Variants in PTPRD observed in about 807,000 individuals in gnomAD.
The protein encoded by PTPRD is receptor-type tyrosine-protein phosphatase delta.
A neutral mutation model predicts 214.5 loss-of-function variants in PTPRD; 34 were observed. That is an observed-to-expected ratio of 0.16 (90% CI 0.12 to 0.21). The LOEUF (loss-of-function observed/expected upper bound fraction) is 0.21, where lower values mean the gene tolerates loss of function less well. PTPRD is among the 10% of genes least tolerant of loss of function. PTPRD has a pLI of 1.00. For synonymous variants in PTPRD, 1,128 were observed against 845.7 expected, an observed-to-expected ratio of 1.33 and a Z score of -5.79; for missense variants, 2,545 against 2,398.7, an observed-to-expected ratio of 1.06 and a Z score of -1.27.
At chr9:9,947,365 AT>A (rs2092757178) in intron 4 of PTPRD, among the ~76,000 whole-genome samples, 3 of 40,736 alleles carry the variant, frequency 7.4e-5, no homozygotes, top group Admixed American at 5.4e-4. Flanking sequence ...TATATATATT[AT>A]ATATATATTA....
chr9:10,049,662 G>T (rs1009603491), intron 3 of PTPRD, among the ~76,000 whole-genome samples: 2 of 152,174 alleles, frequency 1.3e-5, no homozygotes, highest in African/African-American at 2.4e-5. Context: ...ATGCTCTGCA[G>T]TTTATAAGAA....
intron 11 of PTPRD, among the ~76,000 whole-genome samples, chr9:8,913,777 A>C (rs982011851): frequency 1.3e-5 from 2 of 152,242 alleles, no homozygotes; most frequent in East Asian, 1.9e-4. Flanking sequence ...ACGTATACTT[A>C]TTGGTGGACA....
intron 2 of PTPRD, among the ~76,000 whole-genome samples, chr9:10,465,319 C>T (rs1036224604): frequency 1.3e-5 from 2 of 152,134 alleles, no homozygotes; most frequent in Non-Finnish European, 2.9e-5. Flanking sequence ...TTTTAGATAA[C>T]TCCCCTGCGC....
At chr9:9,985,836 T>C (rs1009082401) in intron 4 of PTPRD, among the ~76,000 whole-genome samples, 4 of 151,998 alleles carry the variant, frequency 2.6e-5, no homozygotes, top group Non-Finnish European at 4.4e-5. Flanking sequence ...AGAACACTAT[T>C]GTACAATTCA....
At chr9:9,251,143 A>C (rs2099975322) in intron 9 of PTPRD, among the ~76,000 whole-genome samples, 1 of 152,082 alleles carries the variant, frequency 6.6e-6, no homozygotes, top group Non-Finnish European at 1.5e-5. Flanking sequence ...GGGGGCTATC[A>C]GAGATACATA....
intron 2 of PTPRD, among the ~76,000 whole-genome samples, chr9:10,531,897 A>T (rs1011405549): frequency 2.0e-5 from 3 of 152,212 alleles, no homozygotes; most frequent in African/African-American, 7.2e-5. Context: ...GACAATGGTA[A>T]CTTTCCCATG....
intron 8 of PTPRD, among the ~76,000 whole-genome samples, chr9:9,525,061 G>C (rs528505394): frequency 3.9e-4 from 60 of 152,170 alleles, no homozygotes; most frequent in Non-Finnish European, 6.0e-4. Context: ...GTTTCACCAT[G>C]TTAGCCAGGA....
At position 9,775,654 on chromosome 9, in the gene PTPRD, G is replaced by T. The variant is rs189173634; in HGVS notation, c.-367-8803C>A. 1.2e-3 allele frequency among the ~76,000 whole-genome samples: 181 copies of T among 152,060 alleles called. 1 individual carries two copies. Among genetic ancestry groups the T allele is most frequent in the Middle Eastern group, 3.4e-3 (1 of 294 alleles). On this transcript the variant is annotated intron_variant, in intron 5 of 45. Transcript: ENST00000381196. ...TATTATAGGGAGATTACTAAAAAGC[G>T]AATTCTTGGCTGGTTGCGGTGGCTC... is the stretch of plus-strand genomic sequence containing the variant.
intron 3 of PTPRD, among the ~76,000 whole-genome samples, chr9:10,257,493 C>T (rs1452616102): frequency 6.6e-6 from 1 of 152,106 alleles, no homozygotes; most frequent in Non-Finnish European, 1.5e-5. Flanking sequence ...GCATCATATC[C>T]AATTGATTAG....
At chr9:8,740,734 A>G (rs2091707688) in intron 11 of PTPRD, among the ~76,000 whole-genome samples, 1 of 150,920 alleles carries the variant, frequency 6.6e-6, no homozygotes, top group Admixed American at 6.5e-5. Context: ...ACATGTTTTT[A>G]TGACAATCAG....
intron 9 of PTPRD, among the ~76,000 whole-genome samples, chr9:9,220,735 G>A (rs937250015): frequency 1.3e-5 from 2 of 152,158 alleles, no homozygotes; most frequent in East Asian, 3.9e-4. Context: ...TTGACTATAT[G>A]TAGGAATGTG....
Position 8,360,601 on chromosome 9 carries a change from T to C in PTPRD, c.4661+15335A>G, listed in dbSNP as rs1374502799. Among the ~76,000 whole-genome samples the C allele has an allele frequency of 5.3e-5, 8 of 152,222 alleles. No homozygotes were observed. In the South Asian group the frequency reaches 1.4e-3, roughly 28 times the overall value. On this transcript the variant is annotated intron_variant, in intron 39 of 45. Transcript: ENST00000381196. ...TTTTTGAAGGAGATACCATACTCTA[T>C]AACCCACAGTTTTGCACAGTGAAGT... is the stretch of plus-strand genomic sequence containing the variant.
intron 12 of PTPRD, among the ~76,000 whole-genome samples, chr9:8,674,790 T>C (rs1237560827): frequency 6.6e-6 from 1 of 152,206 alleles, no homozygotes; most frequent in Non-Finnish European, 1.5e-5. Context: ...TCACAGTCCA[T>C]TTCCAAATGA....
intron 8 of PTPRD, among the ~76,000 whole-genome samples, chr9:9,569,354 A>G (rs1011824732): frequency 2.6e-5 from 4 of 151,728 alleles, no homozygotes; most frequent in African/African-American, 9.7e-5. Flanking sequence ...TTTGAGTTTC[A>G]AGTTTAAAAA....
chr9:9,779,579 G>A (rs1277938250), intron 5 of PTPRD, among the ~76,000 whole-genome samples: 1 of 151,964 alleles, frequency 6.6e-6, no homozygotes, highest in Non-Finnish European at 1.5e-5. Flanking sequence ...AAGACAAACA[G>A]GCAGCCAAGA....
At chr9:10,435,870 T>C (rs903831154) in intron 2 of PTPRD, among the ~76,000 whole-genome samples, 4 of 151,884 alleles carry the variant, frequency 2.6e-5, no homozygotes, top group Non-Finnish European at 4.4e-5. Flanking sequence ...CAGTGGCTTA[T>C]GGCCCATATA....
intron 8 of PTPRD, among the ~76,000 whole-genome samples, chr9:9,456,645 G>C (rs147514321): frequency 1.3e-5 from 2 of 151,886 alleles, no homozygotes; most frequent in African/African-American, 4.8e-5. Context: ...AATGTTTATG[G>C]AGTGCTTATT....
In PTPRD at chr9:8,381,199, T is replaced by C. The variant is rs544084677; in HGVS notation, c.4387-4473A>G. Among the ~76,000 whole-genome samples, 86 of 152,304 alleles carry C rather than the reference T, an allele frequency of 5.6e-4. 1 individual carries two copies. The highest frequency in any genetic ancestry group is 1.0e-3 in the Non-Finnish European group (71 of 68,018). On this transcript the variant is annotated intron_variant, in intron 37 of 45. Transcript: ENST00000381196. ...AAGGAATGGACAAACAGGCTAACAT[T>C]AGATAACACAAGTCACAGTTATTTT...
At chr9:8,673,139 T>C (rs1252942452) in intron 12 of PTPRD, among the ~76,000 whole-genome samples, 1 of 152,090 alleles carries the variant, frequency 6.6e-6, no homozygotes, top group Non-Finnish European at 1.5e-5. Flanking sequence ...TTTTTTTTTT[T>C]CTCTGAGAAT....
Sources: gnomAD v4.1 joint callset for allele counts (sites outside exome capture counted in the v4.1 genomes callset) on GRCh38, gnomAD v4.1.1 for gene constraint, MANE v1.5 for transcripts, NCBI Gene and HGNC (gene_info 2026-07-23, HGNC 2026-07-21) for gene names.